MYO7A: variants seen among roughly 807,000 people sequenced by gnomAD.
MYO7A encodes the protein myosin VIIA.
A neutral mutation model predicts 263.8 loss-of-function variants in MYO7A; 210 were observed. That is an observed-to-expected ratio of 0.80 (90% CI 0.71 to 0.89). The LOEUF is 0.89. MYO7A is among the 40% of genes least tolerant of loss of function. The probability of loss-of-function intolerance (pLI) is 0.00; values close to 1 mark genes in which losing one functional copy is unlikely to be tolerated. For synonymous variants in MYO7A, 1,239 were observed against 1,197.3 expected (o/e 1.03, Z -0.72); for missense variants, 2,820 against 2,968.3 (o/e 0.95, Z 1.16).
At chr11:77,175,566 A>G in intron 18 of MYO7A, 102 bp downstream of exon 18, 1 of 1,096,190 alleles carries the variant, frequency 9.1e-7, no homozygotes, top group Non-Finnish European at 1.4e-6. Flanking sequence ...GGGCTTTGAG[A>G]TCCTTTCTGC....
At chr11:77,148,121 G>A (rs1028360587) in intron 4 of MYO7A, among the ~76,000 whole-genome samples, 171 bp downstream of exon 4, 1 of 152,116 alleles carries the variant, frequency 6.6e-6, no homozygotes, top group African/African-American at 2.4e-5. Context: ...CCCATCTGCC[G>A]GCAGCCGCTC....
intron 24 of MYO7A, 119 bp from the exon 25 acceptor site, chr11:77,182,305 C>A: frequency 6.9e-7 from 1 of 1,442,412 alleles, no homozygotes; most frequent in Non-Finnish European, 9.3e-7. Flanking sequence ...CGGTGCCCAG[C>A]CTGAGGGCTG....
chr11:77,132,790 A>G (rs1322358209), intron 2 of MYO7A, among the ~76,000 whole-genome samples: 1 of 152,204 alleles, frequency 6.6e-6, no homozygotes, highest in African/African-American at 2.4e-5. Flanking sequence ...CCAGGTGGAT[A>G]GAGGTTTTTA....
rs372768607 is a variant in MYO7A at position 77,205,476 on chromosome 11, G to A, written c.5495G>A (p.Arg1832Gln). The A allele has an allele frequency of 6.2e-5, 98 of 1,578,034 alleles. No individual in the cohort carries two copies. In the African/African-American group the frequency reaches 9.3e-4, roughly 15 times the overall value. Residue 1832 changes from arginine to glutamine, a missense_variant, in exon 40 of 49, where the codon CGG becomes CAG. Coordinates refer to ENST00000409709, the MANE Select transcript of MYO7A (RefSeq NM_000260.4). ...TDNHIRYSEE[R>Q]GWELLWLCTG... is the part of the protein sequence containing the mutation. ...TCCTCCTGCAGGTACAGCGAGGAGC[G>A]GGGTTGGGAGCTGCTCTGGCTGTGC...
chr11:77,175,518 A>C (rs1453626372), intron 18 of MYO7A, 54 bp downstream of exon 18: 2 of 1,534,208 alleles, frequency 1.3e-6, no homozygotes, highest in Non-Finnish European at 1.8e-6. Context: ...AATTCCCATG[A>C]TGTGGGCTGG....
At chr11:77,144,750 CAA>C (rs539145951) in intron 3 of MYO7A, among the ~76,000 whole-genome samples, 91 of 152,306 alleles carry the variant, frequency 6.0e-4, no homozygotes, top group Admixed American at 1.8e-3. Flanking sequence ...AGGCTCTTGG[CAA>C]AGACTCGCTG....
At position 77,172,818 on chromosome 11, in the gene MYO7A, G is replaced by T. The variant is rs111033416; in HGVS notation, c.1868G>T (p.Arg623Leu). 3.3e-5 allele frequency: 51 copies of T among 1,553,612 alleles called. No individual in the cohort carries two copies. In the Admixed American group the frequency reaches 7.4e-4, roughly 23 times the overall value. The change falls in exon 16 of 49, where the codon CGC becomes CTC. Residue 623 changes from arginine (R) to leucine (L), a missense_variant. Coordinates refer to ENST00000409709, the MANE Select transcript of MYO7A (RefSeq NM_000260.4). ...QFKRSLELLMRTLGACQPFFV... is the reference protein window; with the variant it reads ...QFKRSLELLMLTLGACQPFFV... ...AAGCGGTCACTGGAGCTGCTGATGC[G>T]CACGCTGGGTGCCTGCCAGCCCTTC... is the stretch of plus-strand genomic sequence containing the variant.
intron 4 of MYO7A, among the ~76,000 whole-genome samples, chr11:77,148,299 TCTG>T (rs1951729738): frequency 6.6e-6 from 1 of 152,214 alleles, no homozygotes; most frequent in Non-Finnish European, 1.5e-5. Context: ...GGAGGGCAGC[TCTG>T]CTGGGCGTTT....
rs369493667 is a variant in MYO7A at position 77,155,980 on chromosome 11, G to A, written c.359G>A (p.Arg120His). ...LLSIYSPEHI[R>H]QYTNKKIGEM... ...TCCATCTACTCGCCAGAGCACATCC[G>A]CCAGTATACCAACAAGAAGATTGGG... Residue 120 changes from arginine (R) to histidine (H), a missense_variant, in exon 5 of 49, where the codon CGC (arginine) becomes CAC (histidine). Arg to His is a conservative substitution (Grantham distance 29). Coordinates refer to ENST00000409709, the MANE Select transcript of MYO7A (RefSeq NM_000260.4). 84 of 1,613,166 alleles carry A rather than the reference G, an allele frequency of 5.2e-5. No individual in the cohort carries two copies. The Admixed American group carries it at 6.5e-4, about 13-fold the overall frequency.
At chr11:77,164,289 A>G (rs1953323952) in intron 14 of MYO7A, among the ~76,000 whole-genome samples, 2 of 140,954 alleles carry the variant, frequency 1.4e-5, no homozygotes, top group South Asian at 2.5e-4. Context: ...ACAAATTGGC[A>G]TTAGTTATGG....
At chr11:77,167,087 G>C (rs1259396479) in intron 15 of MYO7A, among the ~76,000 whole-genome samples, 1 of 152,238 alleles carries the variant, frequency 6.6e-6, no homozygotes, top group African/African-American at 2.4e-5. Flanking sequence ...TGAGACTCGG[G>C]AAAAGGGCTG....
intron 2 of MYO7A, among the ~76,000 whole-genome samples, chr11:77,141,160 A>G (rs913723800): frequency 1.3e-5 from 2 of 152,228 alleles, no homozygotes; most frequent in African/African-American, 4.8e-5. Context: ...TTTGTGAAGT[A>G]CACTCGATGA....
Position 77,208,357 on chromosome 11 carries a change from C to T in MYO7A, c.5857-73C>T, listed in dbSNP as rs998040333. ...TCCCTGAGAAGGAGCAGCTGCCAGA[C>T]AGGCCTTAGGTGGGAAGGTCAGAAA... On this transcript the variant is annotated intron_variant, in intron 42 of 48. Transcript: ENST00000409709. 3.4e-6 allele frequency: 4 copies of T among 1,178,358 alleles called. No homozygotes were observed. The African/African-American group carries it at 4.6e-5, about 13-fold the overall frequency. The allele number at this position is 1,178,358 out of a possible 1,614,324, so 73.0% of individuals were successfully genotyped here.
At chr11:77,212,640 T>C in intron 46 of MYO7A, 2 of 455,398 alleles carry the variant, frequency 4.4e-6, no homozygotes, top group Non-Finnish European at 8.1e-6. Flanking sequence ...TTTGAGGAGC[T>C]TGGCTGTGCG....
In MYO7A at chr11:77,214,829, A is replaced by C; in HGVS notation, c.*133A>C. 1 of 673,912 alleles carries C rather than the reference A, an allele frequency of 1.5e-6. No homozygotes were observed. The highest frequency in any genetic ancestry group is 1.9e-5 in the South Asian group (1 of 51,930). The allele number at this position is 673,912 out of a possible 1,614,324, so 41.7% of individuals were successfully genotyped here. A position where few individuals can be genotyped will look rare whatever the true frequency, so the allele number is the denominator to read the frequency against. ...AGGCTGGGCTGGCCAGCCACCACTG[A>C]CTATACCAACTGGGCCTCTGATGTT... is the stretch of plus-strand genomic sequence containing the variant. On this transcript the variant is annotated 3_prime_UTR_variant, in exon 49 of 49. Transcript: ENST00000409709.
At chr11:77,210,617 G>A (rs764891289) in intron 44 of MYO7A, among the ~76,000 whole-genome samples, 4 of 152,172 alleles carry the variant, frequency 2.6e-5, no homozygotes, top group Non-Finnish European at 5.9e-5. Context: ...TGTGGGCAGC[G>A]CCAGCCCTTC....
chr11:77,151,606 GTCC>G (rs1424787591), intron 4 of MYO7A, among the ~76,000 whole-genome samples: 1 of 152,166 alleles, frequency 6.6e-6, no homozygotes, highest in African/African-American at 2.4e-5. Context: ...TTTGGGAATA[GTCC>G]TCCTCTCTCC....
chr11:77,179,826 T>C lies in MYO7A; in HGVS notation c.2459T>C (p.Phe820Ser). The C allele has an allele frequency of 6.5e-7, 1 of 1,545,460 alleles. No individual in the cohort carries two copies. Among genetic ancestry groups the C allele is most frequent in the South Asian group, 1.2e-5 (1 of 84,098 alleles). ...CTGGCCCGCCAGCGCATCATCCAGT[T>C]CCAGGCCCGCTGCCGCGCCTATCTG... is the stretch of plus-strand genomic sequence containing the variant. Reference protein sequence around the residue: ...YRLARQRIIQFQARCRAYLVR... With the variant: ...YRLARQRIIQSQARCRAYLVR... The change falls in exon 21 of 49, where the codon TTC becomes TCC. Residue 820 changes from phenylalanine to serine, a missense_variant. By Grantham distance (155) the Phe-to-Ser change is radical. Transcript: ENST00000409709.
In MYO7A at chr11:77,213,950, G is replaced by A. The variant is rs2135802831; in HGVS notation, c.6529G>A (p.Gly2177Arg). Residue 2177 changes from glycine to arginine, a missense_variant, in exon 48 of 49, where the codon GGG (glycine) becomes AGG (arginine). Transcript: ENST00000409709. ...CATCACCATTGGGAACTTGGTGCGC[G>A]GGAGCAAACTGCTCTGCGAGACGTC... Reference protein sequence around the residue: ...FHITIGNLVRGSKLLCETSLG... With the variant: ...FHITIGNLVRRSKLLCETSLG... 2.5e-6 allele frequency: 4 copies of A among 1,614,062 alleles called. No homozygotes were observed. Among genetic ancestry groups the A allele is most frequent in the Non-Finnish European group, 2.5e-6 (3 of 1,179,902 alleles).
Sources: allele counts gnomAD v4.1 joint callset (sites outside exome capture counted in the v4.1 genomes callset), GRCh38; gene constraint gnomAD v4.1.1; transcripts MANE v1.5; gene names NCBI Gene and HGNC (gene_info 2026-07-23, HGNC 2026-07-21).